MON2: variants seen among roughly 807,000 people sequenced by gnomAD.
The protein encoded by MON2 is protein MON2 homolog.
MON2 carries 84 observed loss-of-function variants against 208.6 expected under a neutral mutation model. That is an observed-to-expected ratio of 0.40 (90% CI 0.34 to 0.48). MON2 has a LOEUF of 0.48. Ranked by LOEUF, MON2 falls within the 20% of genes least tolerant of loss-of-function variation. The pLI, the probability that MON2 is intolerant of heterozygous loss-of-function variation, is 0.59. For synonymous variants in MON2, 660 were observed against 694.0 expected (o/e 0.95, Z 0.77); for missense variants, 1,611 against 2,015.4 (o/e 0.80, Z 3.84).
chr12:62,484,037 T>G (rs906701800), intron 1 of MON2, 133 bp from the exon 2 acceptor site: 3 of 654,496 alleles, frequency 4.6e-6, no homozygotes, highest in Non-Finnish European at 5.5e-6. Context: ...ATCTGATGGT[T>G]TGAAAATTAA....
chr12:62,495,009 T>G lies in MON2; in HGVS notation c.304-7T>G. The G allele has an allele frequency of 1.3e-6, 2 of 1,598,882 alleles. No individual in the cohort carries two copies. The highest frequency in any genetic ancestry group is 1.1e-5 in the South Asian group (1 of 89,758). On this transcript the variant is annotated splice_region_variant and splice_polypyrimidine_tract_variant and intron_variant, in intron 3 of 34. Transcript: ENST00000393630. ...TGTTGACAATAATTAAAATAACTAT[T>G]TTACAGACTGCAGCTGGAAATATAA... is the stretch of plus-strand genomic sequence containing the variant.
chr12:62,530,002 C>T (rs763414172), intron 11 of MON2, among the ~76,000 whole-genome samples: 2 of 152,174 alleles, frequency 1.3e-5, no homozygotes, highest in Admixed American at 6.5e-5. Flanking sequence ...CATCTGAATT[C>T]GTGTGTTCCA....
At chr12:62,537,051 G>A (rs1184325055) in intron 14 of MON2, 100 bp from the exon 15 acceptor site, 1 of 640,240 alleles carries the variant, frequency 1.6e-6, no homozygotes, top group East Asian at 3.1e-5. Context: ...TTAAATAAGT[G>A]TATGGCTAAA....
intron 14 of MON2, 129 bp from the exon 15 acceptor site, chr12:62,537,022 T>G: frequency 2.0e-6 from 1 of 495,226 alleles, no homozygotes; most frequent in African/African-American, 2.0e-5. Flanking sequence ...TTGATACAGA[T>G]ATTAGGTATT....
At chr12:62,477,576 G>A (rs1246540942) in intron 1 of MON2, among the ~76,000 whole-genome samples, 1 of 146,854 alleles carries the variant, frequency 6.8e-6, no homozygotes, top group Non-Finnish European at 1.5e-5. Context: ...CACCACGTTT[G>A]CCTAATTTTT....
chr12:62,582,091 C>T (rs1012504584), intron 32 of MON2, among the ~76,000 whole-genome samples: 8 of 152,012 alleles, frequency 5.3e-5, no homozygotes, highest in East Asian at 1.9e-4. Flanking sequence ...TTTTAAACCC[C>T]GCTTATCTTA....
Position 62,498,992 on chromosome 12 carries a change from G to T in MON2, c.509G>T (p.Arg170Leu). 1 of 1,612,918 alleles carries T rather than the reference G, an allele frequency of 6.2e-7. No individual in the cohort carries two copies. Among genetic ancestry groups the T allele is most frequent in the South Asian group, 1.1e-5 (1 of 90,904 alleles). ...AATAATACAGCTGCTGCTACAGTGC[G>T]ACAAGTTGTTACTGTTGTTTTTGAG... ...ITNNTAAATVRQVVTVVFERM... is the reference protein window; with the variant it reads ...ITNNTAAATVLQVVTVVFERM... Residue 170 changes from arginine to leucine, a missense_variant, in exon 5 of 35, where the codon CGA becomes CTA. Arg to Leu is a moderately radical substitution (Grantham distance 102, BLOSUM62 -2). Coordinates refer to ENST00000393630, the MANE Select transcript of MON2 (RefSeq NM_015026.3).
chr12:62,531,365 G>A (rs1411240464), intron 11 of MON2, among the ~76,000 whole-genome samples: 1 of 152,128 alleles, frequency 6.6e-6, no homozygotes, highest in Non-Finnish European at 1.5e-5. Context: ...CTTACATTTA[G>A]ATCATTGATT....
chr12:62,556,252 T>C (rs1296940153), intron 25 of MON2, 60 bp downstream of exon 25: 4 of 1,446,362 alleles, frequency 2.8e-6, no homozygotes, highest in Middle Eastern at 1.8e-4. Flanking sequence ...ATTTGGAAAA[T>C]ACAGACGATT....
chr12:62,537,651 A>G lies in MON2; in HGVS notation c.2063A>G (p.His688Arg), dbSNP rs370920946. The change falls in exon 16 of 35, where the codon CAT (histidine) becomes CGT (arginine). Residue 688 changes from histidine to arginine, a missense_variant. By Grantham distance (29) the His-to-Arg change is conservative (BLOSUM62 0). Coordinates refer to ENST00000393630, the MANE Select transcript of MON2 (RefSeq NM_015026.3). ...QCMRTLLNLA[H>R]CHGAVLGTSW... The stretch of plus-strand genomic sequence containing the variant: ...ATGAGGACTTTACTTAACTTGGCGC[A>G]TTGCCATGGGGCTGTTCTTGGAACA... The G allele has an allele frequency of 3.1e-6, 5 of 1,613,438 alleles. No homozygotes were observed. The highest frequency in any genetic ancestry group is 4.2e-6 in the Non-Finnish European group (5 of 1,179,754).
At position 62,553,112 on chromosome 12, in the gene MON2, T is replaced by C; in HGVS notation, c.3148T>C (p.Ser1050Pro). The change falls in exon 24 of 35, where the codon TCT becomes CCT. Residue 1050 changes from serine (S) to proline (P), a missense_variant. Physicochemically the swap from Ser to Pro is moderately conservative, Grantham distance 74. Coordinates refer to ENST00000393630, the MANE Select transcript of MON2 (RefSeq NM_015026.3). ...GAAGAGTGCAGGGCAAACTCTGTTT[T>C]CTACAATTGGTGCGCATGGAACTTT... ...VRKSAGQTLF[S>P]TIGAHGTLLQ... 1 of 1,614,208 alleles carries C rather than the reference T, an allele frequency of 6.2e-7. No individual in the cohort carries two copies.
At chr12:62,556,679 G>A (rs1301087226) in intron 25 of MON2, among the ~76,000 whole-genome samples, 1 of 152,158 alleles carries the variant, frequency 6.6e-6, no homozygotes, top group Non-Finnish European at 1.5e-5. Flanking sequence ...ATGCTAGCAT[G>A]TTTAAAGGTC....
chr12:62,527,094 C>A (rs893107572), intron 11 of MON2, among the ~76,000 whole-genome samples: 2 of 152,198 alleles, frequency 1.3e-5, no homozygotes, highest in African/African-American at 4.8e-5. Flanking sequence ...TCACTGCACT[C>A]CAGCCTGGGT....
At chr12:62,562,603 T>A (rs755760334) in intron 26 of MON2, among the ~76,000 whole-genome samples, 1 of 152,090 alleles carries the variant, frequency 6.6e-6, no homozygotes, top group Non-Finnish European at 1.5e-5. Flanking sequence ...AAAATGTATA[T>A]TTTATTATCA....
At chr12:62,578,984 C>A (rs1045088936) in intron 31 of MON2, among the ~76,000 whole-genome samples, 1 of 151,788 alleles carries the variant, frequency 6.6e-6, no homozygotes. Flanking sequence ...ACTTGTAATC[C>A]TAGTGCTTTG....
Position 62,508,385 on chromosome 12 carries a change from T to A in MON2, c.889T>A (p.Ser297Thr), listed in dbSNP as rs376188370. ...IKFRQGSSTS[S>T]SPAPVEKPYF... ...GTTCAGACAAGGTTCCAGCACCTCATCTTCTCCAGCACCAGTTGAAAAACC... is the reference window on the plus strand; with the variant it reads ...GTTCAGACAAGGTTCCAGCACCTCAACTTCTCCAGCACCAGTTGAAAAACC... Residue 297 changes from serine (S) to threonine (T), a missense_variant, in exon 8 of 35, where the codon TCT (serine) becomes ACT (threonine). Physicochemically the swap from Ser to Thr is moderately conservative, Grantham distance 58. Transcript: ENST00000393630. The A allele has an allele frequency of 3.1e-6, 5 of 1,613,960 alleles. No individual in the cohort carries two copies. The African/African-American group carries it at 6.7e-5, about 22-fold the overall frequency.
chr12:62,473,101 C>T (rs2068877906), intron 1 of MON2, among the ~76,000 whole-genome samples: 1 of 152,078 alleles, frequency 6.6e-6, no homozygotes, highest in Non-Finnish European at 1.5e-5. Flanking sequence ...TTATGAGTCT[C>T]CTAAAAAAGC....
At chr12:62,573,795 T>G (rs969289469) in intron 30 of MON2, among the ~76,000 whole-genome samples, 11 of 152,252 alleles carry the variant, frequency 7.2e-5, no homozygotes, top group African/African-American at 2.6e-4. Context: ...TCTGAAGTTT[T>G]TTAATATAGA....
intron 7 of MON2, among the ~76,000 whole-genome samples, chr12:62,502,240 A>C (rs148746689): frequency 1.7e-3 from 256 of 151,844 alleles, no homozygotes; most frequent in African/African-American, 6.0e-3. Flanking sequence ...AATAAAACAA[A>C]ATTTTTTTAA....
Sources: allele counts gnomAD v4.1 joint callset (sites outside exome capture counted in the v4.1 genomes callset), GRCh38; gene constraint gnomAD v4.1.1; transcripts MANE v1.5; gene names NCBI Gene and HGNC (gene_info 2026-07-23, HGNC 2026-07-21).